Variants in ACOT6 observed in about 807,000 individuals in gnomAD.
The protein encoded by ACOT6 is acyl-CoA thioesterase 6.
ACOT6 carries 14 observed loss-of-function variants against 12.3 expected under a neutral mutation model. The observed-to-expected ratio is 1.14, with a 90% CI of 0.75 to 1.78. ACOT6 has a LOEUF of 1.78. Among genes scored for constraint, ACOT6 ranks in the 40% most tolerant of loss-of-function variants. The pLI is 0.00. For missense variants in ACOT6, 523 were observed against 551.8 expected (o/e 0.95, Z 0.52); for synonymous variants, 218 against 231.3 (o/e 0.94, Z 0.52).
At chr14:73,613,723 T>C (rs371898533) in intron 1 of ACOT6, among the ~76,000 whole-genome samples, 1 of 152,128 alleles carries the variant, frequency 6.6e-6, no homozygotes, top group East Asian at 1.9e-4. Flanking sequence ...CATTCCACAA[T>C]GCACAGGACA....
chr14:73,613,945 T>G (rs904395228), intron 1 of ACOT6, among the ~76,000 whole-genome samples: 9 of 148,462 alleles, frequency 6.1e-5, no homozygotes, highest in African/African-American at 2.2e-4. Context: ...ATCCCAGCAC[T>G]TTGGGAGGCT....
chr14:73,618,369 C>T (rs1890574621), intron 2 of ACOT6, among the ~76,000 whole-genome samples: 1 of 146,218 alleles, frequency 6.8e-6, no homozygotes, highest in African/African-American at 2.8e-5. Flanking sequence ...GGCCCTAAGC[C>T]TCTTTTCTGG....
In ACOT6 at chr14:73,613,037, T is replaced by C; in HGVS notation, c.461+5T>C. The C allele has an allele frequency of 1.3e-6, 1 of 786,936 alleles. No individual in the cohort carries two copies. The highest frequency in any genetic ancestry group is 1.9e-6 in the Non-Finnish European group (1 of 539,092). 48.7% of individuals were successfully genotyped at this position (786,936 alleles called of 1,614,324 possible). A position where few individuals can be genotyped will look rare whatever the true frequency, so the allele number is the denominator to read the frequency against. On this transcript the variant is annotated splice_donor_5th_base_variant and intron_variant, in intron 1 of 2. Transcript: ENST00000645972. ...GCTCTTCCTGCCGCCGGATGAGTAG[T>C]CTGCCCAGAATTTGGTCGAGCTCTG...
chr14:73,612,808 G>T lies in ACOT6; in HGVS notation c.237G>T (p.Gly79=). Residue 79 remains glycine, a synonymous_variant, in exon 1 of 3, where the codon GGG becomes GGT. Transcript: ENST00000645972. ...GCTTCGCGGGGCTCCAGCCCATGGG[G>T]CTGCTGTGGGCGTTGGAGCCCGAGA... ...GGSFAGLQPM[G]LLWALEPEKA... 7.1e-7 allele frequency: 1 copy of T among 1,418,174 alleles called. No individual in the cohort carries two copies. Among genetic ancestry groups the T allele is most frequent in the Non-Finnish European group, 9.3e-7 (1 of 1,077,220 alleles). The allele number at this position is 1,418,174 out of a possible 1,614,324, so 87.8% of individuals were successfully genotyped here.
rs528179567 is a variant in ACOT6, at chr14:73,614,637, C to A, written c.461+1605C>A. 2.6e-5 allele frequency among the ~76,000 whole-genome samples: 4 copies of A among 151,422 alleles called. No homozygotes were observed. The South Asian group carries it at 8.3e-4, about 31-fold the overall frequency. On this transcript the variant is annotated intron_variant, in intron 1 of 2. Transcript: ENST00000645972. Reference sequence around the variant, plus strand: ...TGGCTCACACATGTAGTCCCAGCTACTAGGGAGGCTGAGGTGGGAGAATCG... The same window carrying A: ...TGGCTCACACATGTAGTCCCAGCTAATAGGGAGGCTGAGGTGGGAGAATCG...
At chr14:73,611,204 A>T (rs1181542615), upstream of ACOT6, among the ~76,000 whole-genome samples, 2 of 152,288 alleles carry the variant, frequency 1.3e-5, no homozygotes, top group South Asian at 4.1e-4. Flanking sequence ...GGGCATCACT[A>T]TATGCTCTTC....
At position 73,619,429 on chromosome 14, in the gene ACOT6, A is replaced by C. The variant is rs1890593674; in HGVS notation, c.856A>C (p.Lys286Gln). Reference protein sequence around the residue: ...VDDLGKVKITKSGFLTFMDTW... With the variant: ...VDDLGKVKITQSGFLTFMDTW... Reference sequence around the variant, plus strand: ...TGATCTAGGAAAAGTAAAAATCACTAAGTCAGGATTTCTCACTTTTATGGA... The same window carrying C: ...TGATCTAGGAAAAGTAAAAATCACTCAGTCAGGATTTCTCACTTTTATGGA... Residue 286 changes from lysine (K) to glutamine (Q), a missense_variant, in exon 3 of 3, where the codon AAG becomes CAG. By Grantham distance (53) the Lys-to-Gln change is moderately conservative. Coordinates refer to ENST00000645972, the MANE Select transcript of ACOT6 (RefSeq NM_001365788.1). The C allele has an allele frequency of 5.0e-6, 8 of 1,614,004 alleles. No individual in the cohort carries two copies. The East Asian group carries it at 1.8e-4, about 36-fold the overall frequency.
In ACOT6 at chr14:73,619,508, A is replaced by G. The variant is rs774531496; in HGVS notation, c.935A>G (p.Glu312Gly). The change falls in exon 3 of 3, where the codon GAA becomes GGA. Residue 312 changes from glutamate (E) to glycine (G), a missense_variant. Glu to Gly is a moderately conservative substitution (Grantham distance 98). Coordinates refer to ENST00000645972, the MANE Select transcript of ACOT6 (RefSeq NM_001365788.1). ...EHNHQSLVPL[E>G]KAQVPFLFIV... ...AATCACCAAAGTCTTGTTCCATTGG[A>G]AAAGGCGCAGGTGCCCTTCTTGTTT... 1.9e-6 allele frequency: 3 copies of G among 1,614,206 alleles called. No homozygotes were observed. In the East Asian group the frequency reaches 6.7e-5, roughly 36 times the overall value.
chr14:73,614,876 C>T (rs1890506628), intron 1 of ACOT6, among the ~76,000 whole-genome samples: 1 of 151,700 alleles, frequency 6.6e-6, no homozygotes, highest in South Asian at 2.1e-4. Context: ...GCAGGTGGAT[C>T]ACCTGAGGTC....
chr14:73,612,624 C>A lies in ACOT6; in HGVS notation c.53C>A (p.Pro18Gln). The A allele has an allele frequency of 7.1e-7, 1 of 1,408,150 alleles. No individual in the cohort carries two copies. The highest frequency in any genetic ancestry group is 9.3e-7 in the Non-Finnish European group (1 of 1,078,674). 87.2% of individuals were successfully genotyped at this position (1,408,150 alleles called of 1,614,324 possible). The part of the protein sequence containing the change: ...EPAGRCCWDE[P>Q]LRIAVRGLAP... ...GCGGGCCGCTGCTGCTGGGACGAGC[C>A]GCTGCGCATCGCAGTGCGCGGCCTG... is the stretch of plus-strand genomic sequence containing the variant. The change falls in exon 1 of 3, where the codon CCG (proline) becomes CAG (glutamine). Residue 18 changes from proline to glutamine, a missense_variant. Transcript: ENST00000645972.
chr14:73,611,207 T>C (rs530242143), upstream of ACOT6, among the ~76,000 whole-genome samples: 2 of 152,350 alleles, frequency 1.3e-5, no homozygotes, highest in East Asian at 3.9e-4. Context: ...CATCACTATA[T>C]GCTCTTCTTC....
chr14:73,619,580 A>T lies in ACOT6; in HGVS notation c.1007A>T (p.Gln336Leu). The change falls in exon 3 of 3, where the codon CAG becomes CTG. Residue 336 changes from glutamine to leucine, a missense_variant. Coordinates refer to ENST00000645972, the MANE Select transcript of ACOT6 (RefSeq NM_001365788.1). ...DQSWKSEFYA[Q>L]IASERLQAHG... ...AGCTGGAAGAGTGAATTCTATGCTC[A>T]GATAGCCTCTGAAAGGCTACAAGCT... The T allele has an allele frequency of 6.2e-7, 1 of 1,614,228 alleles. No individual in the cohort carries two copies. Among genetic ancestry groups the T allele is most frequent in the Non-Finnish European group, 8.5e-7 (1 of 1,180,042 alleles).
In ACOT6 at chr14:73,612,988, G is replaced by A. The variant is rs566292734; in HGVS notation, c.417G>A (p.Val139=). Reference sequence around the variant, plus strand: ...GGCCGGGGGTGCGGCGCGAGCCGGTGCGCGCGGGCCCGGTGCGCGCCGCGC... The same window carrying A: ...GGCCGGGGGTGCGGCGCGAGCCGGTACGCGCGGGCCCGGTGCGCGCCGCGC... ...FLRPGVRREP[V]RAGPVRAALF... The change falls in exon 1 of 3, where the codon GTG becomes GTA. Residue 139 remains valine (V), a synonymous_variant. Transcript: ENST00000645972. 136 of 1,087,358 alleles carry A rather than the reference G, an allele frequency of 1.3e-4. No individual in the cohort carries two copies. In the African/African-American group the frequency reaches 2.0e-3, roughly 16 times the overall value. 67.4% of individuals were successfully genotyped at this position (1,087,358 alleles called of 1,614,324 possible).
Position 73,619,249 on chromosome 14 carries a change from AT to A in ACOT6, c.678del (p.Ile226MetfsTer20). ...LQHPKVKGPS[I>X]ALLGFSKGGD... The stretch of plus-strand genomic sequence containing the variant: ...TCCTCAACAGGTGAAAGGTCCTAGT[AT>A]TGCGCTTCTTGGATTTTCCAAAGGA... On this transcript the variant is annotated frameshift_variant, in exon 3 of 3. Coordinates refer to ENST00000645972, the MANE Select transcript of ACOT6 (RefSeq NM_001365788.1). LOFTEE classifies it low-confidence loss of function (END_TRUNC). 6.3e-7 allele frequency: 1 copy of A among 1,589,592 alleles called. No homozygotes were observed.
chr14:73,612,578 G>A lies in ACOT6; in HGVS notation c.7G>A (p.Ala3Thr). Residue 3 changes from alanine (A) to threonine (T), a missense_variant, in exon 1 of 3, where the codon GCG becomes ACG. By Grantham distance (58) the Ala-to-Thr change is moderately conservative (BLOSUM62 0). This residue lies in a region of ACOT6 where 304 missense variants were observed against 274.8 expected (regional missense o/e 1.11). Transcript: ENST00000645972. ...CTGTTCTACCCAGATTGGGATGGCA[G>A]CGACGCTGATCCTGGAGCCCGCGGG... MAATLILEPAGRC... is the reference protein window; with the variant it reads MATTLILEPAGRC... 7.1e-7 allele frequency: 1 copy of A among 1,399,990 alleles called. No homozygotes were observed. Among genetic ancestry groups the A allele is most frequent in the Non-Finnish European group, 9.4e-7 (1 of 1,068,410 alleles). 86.7% of individuals were successfully genotyped at this position (1,399,990 alleles called of 1,614,324 possible).
At position 73,619,736 on chromosome 14, in the gene ACOT6, CA is replaced by C. The variant is rs751324711; in HGVS notation, c.1166del (p.Lys389ArgfsTer8). On this transcript the variant is annotated frameshift_variant, in exon 3 of 3. Coordinates refer to ENST00000645972, the MANE Select transcript of ACOT6 (RefSeq NM_001365788.1). LOFTEE classifies it high-confidence loss of function. ...LGEAIFYGGE[P>X]KAHSKAQVDA... ...GAGGCAATATTCTATGGAGGTGAGC[CA>C]AAGGCTCACTCAAAGGCACAGGTAG... is the stretch of plus-strand genomic sequence containing the variant. 1 of 1,613,978 alleles carries C rather than the reference CA, an allele frequency of 6.2e-7. No homozygotes were observed. The highest frequency in any genetic ancestry group is 1.1e-5 in the South Asian group (1 of 91,076).
chr14:73,619,797 A>G lies in ACOT6; in HGVS notation c.1224A>G (p.Lys408=), dbSNP rs377274251. 6.2e-7 allele frequency: 1 copy of G among 1,610,730 alleles called. No homozygotes were observed. The highest frequency in any genetic ancestry group is 1.1e-5 in the South Asian group (1 of 90,398). The change falls in exon 3 of 3, where the codon AAA becomes AAG. Residue 408 remains lysine, a synonymous_variant. Transcript: ENST00000645972. ...AWQQIQTFFH[K]HLNGKKSVKH... ...AGCAAATTCAAACTTTCTTCCATAA[A>G]CATCTCAATGGTAAAAAATCTGTCA...
intron 2 of ACOT6, among the ~76,000 whole-genome samples, chr14:73,618,713 C>G (rs1197697252): frequency 6.6e-6 from 1 of 152,126 alleles, no homozygotes; most frequent in Admixed American, 6.6e-5. Context: ...TGTGTATACT[C>G]CTGACCCAGT....
chr14:73,615,378 CTCTG>C (rs1320615516), intron 1 of ACOT6, among the ~76,000 whole-genome samples: 5 of 109,944 alleles, frequency 4.5e-5, no homozygotes, highest in Admixed American at 2.5e-4. Context: ...CAGAGAGAGA[CTCTG>C]TCTGATAAAA....
Sources: gnomAD v4.1 joint callset for allele counts (sites outside exome capture counted in the v4.1 genomes callset) on GRCh38, gnomAD v4.1.1 for gene constraint, gnomAD v4.1.1 regional missense constraint, MANE v1.5 for transcripts, NCBI Gene and HGNC (gene_info 2026-07-23, HGNC 2026-07-21) for gene names.